Variants in RBMS3 observed in about 807,000 individuals in gnomAD.
RBMS3 encodes RNA-binding motif, single-stranded-interacting protein 3.
Under a neutral mutation model 66.8 loss-of-function variants are expected in RBMS3, and 27 were observed. The observed-to-expected ratio is 0.40, with a 90% CI of 0.30 to 0.56. RBMS3 has a LOEUF of 0.56. Among genes scored for constraint, RBMS3 ranks in the 20% least tolerant of loss-of-function variants. RBMS3 has a pLI of 0.40. For synonymous variants in RBMS3, 188 were observed against 183.0 expected, an observed-to-expected ratio of 1.03 and a Z score of -0.22; for missense variants, 513 against 549.5, an observed-to-expected ratio of 0.93 and a Z score of 0.66.
intron 12 of RBMS3, among the ~76,000 whole-genome samples, chr3:29,969,186 C>A (rs918563100): frequency 6.6e-6 from 1 of 152,124 alleles, no homozygotes; most frequent in African/African-American, 2.4e-5. Context: ...AGATTAAATG[C>A]CTAATAGACA....
intron 1 of RBMS3, among the ~76,000 whole-genome samples, chr3:29,364,856 T>C (rs2125589036): frequency 6.6e-6 from 1 of 152,292 alleles, no homozygotes; most frequent in East Asian, 1.9e-4. Context: ...ATTTTTATTG[T>C]CGACCAATTG....
chr3:29,661,509 C>CAG, intron 4 of RBMS3, among the ~76,000 whole-genome samples: 1 of 152,056 alleles, frequency 6.6e-6, no homozygotes, highest in South Asian at 2.1e-4. Flanking sequence ...CTTAGGATTC[C>CAG]TGCTAGATTA....
intron 3 of RBMS3, among the ~76,000 whole-genome samples, chr3:29,509,855 A>G (rs2044329341): frequency 6.6e-6 from 1 of 152,258 alleles, no homozygotes; most frequent in Non-Finnish European, 1.5e-5. Context: ...ACTGTATCGT[A>G]TTCATTTCTT....
At chr3:29,352,900 G>A (rs1487012094) in intron 1 of RBMS3, among the ~76,000 whole-genome samples, 3 of 150,786 alleles carry the variant, frequency 2.0e-5, no homozygotes, top group Admixed American at 6.6e-5. Context: ...TTCCATCCAT[G>A]TCACTGTAAA....
In RBMS3 at chr3:29,309,584, T is replaced by C. The variant is rs927580562; in HGVS notation, c.75+27828T>C. Among the ~76,000 whole-genome samples the C allele has an allele frequency of 4.0e-5, 6 of 150,740 alleles. No homozygotes were observed. In the East Asian group the frequency reaches 5.9e-4, roughly 15 times the overall value. On this transcript the variant is annotated intron_variant, in intron 1 of 14. Coordinates refer to ENST00000383767, the MANE Select transcript of RBMS3 (RefSeq NM_001003793.3). ...TTATAGAAATAAAAGAATTGAAAGATAGAATCCTAGGGAATATGCAGTGGT... is the reference window on the plus strand; with the variant it reads ...TTATAGAAATAAAAGAATTGAAAGACAGAATCCTAGGGAATATGCAGTGGT...
chr3:29,592,794 A>G (rs528650165), intron 4 of RBMS3, among the ~76,000 whole-genome samples: 6 of 152,138 alleles, frequency 3.9e-5, no homozygotes, highest in South Asian at 2.1e-4. Context: ...TTAAGAAAAT[A>G]TGGCACATAT....
At chr3:29,505,027 T>C (rs1190448222) in intron 3 of RBMS3, among the ~76,000 whole-genome samples, 1 of 152,118 alleles carries the variant, frequency 6.6e-6, no homozygotes, top group Non-Finnish European at 1.5e-5. Context: ...CTTCACCATG[T>C]TGATTGTTTC....
chr3:29,855,804 C>T (rs953064337), intron 6 of RBMS3, among the ~76,000 whole-genome samples: 9 of 152,148 alleles, frequency 5.9e-5, no homozygotes, highest in African/African-American at 2.2e-4. Context: ...GGGTGCCTTC[C>T]ACGCTGGAAA....
chr3:29,339,725 T>A (rs1331354885), intron 1 of RBMS3, among the ~76,000 whole-genome samples: 1 of 152,142 alleles, frequency 6.6e-6, no homozygotes, highest in African/African-American at 2.4e-5. Context: ...AATAATATGT[T>A]ATTCACAAGT....
intron 6 of RBMS3, among the ~76,000 whole-genome samples, chr3:29,844,228 C>G (rs1233672007): frequency 6.6e-6 from 1 of 151,982 alleles, no homozygotes; most frequent in Non-Finnish European, 1.5e-5. Context: ...TGAGAAAGCT[C>G]TTTGTTTTTT....
At chr3:29,602,364 C>A (rs926978364) in intron 4 of RBMS3, among the ~76,000 whole-genome samples, 3 of 151,984 alleles carry the variant, frequency 2.0e-5, no homozygotes, top group Non-Finnish European at 2.9e-5. Context: ...CACAGGAAAC[C>A]AGCTAATGGC....
chr3:29,326,393 A>G (rs185942680), intron 1 of RBMS3, among the ~76,000 whole-genome samples: 13 of 152,182 alleles, frequency 8.5e-5, no homozygotes, highest in East Asian at 3.9e-4. Context: ...TCCACCTTCT[A>G]TGTCTTGCAA....
At chr3:29,412,692 C>T (rs966406692) in intron 1 of RBMS3, among the ~76,000 whole-genome samples, 4 of 152,114 alleles carry the variant, frequency 2.6e-5, no homozygotes, top group African/African-American at 7.2e-5. Flanking sequence ...TGGCTGGCTG[C>T]GTGGCCTGTC....
chr3:29,725,947 C>G (rs563873000), intron 4 of RBMS3, among the ~76,000 whole-genome samples: 1 of 152,010 alleles, frequency 6.6e-6, no homozygotes, highest in East Asian at 1.9e-4. Context: ...AACATGGATG[C>G]GAAAATCCTC....
At chr3:29,836,801 A>ATATC (rs1553682700) in intron 6 of RBMS3, among the ~76,000 whole-genome samples, 1 of 151,270 alleles carries the variant, frequency 6.6e-6, no homozygotes, top group Non-Finnish European at 1.5e-5. Context: ...ATATATATAT[A>ATATC]TCTGAAAACA....
intron 1 of RBMS3, among the ~76,000 whole-genome samples, chr3:29,386,756 C>T (rs960919208): frequency 3.9e-5 from 6 of 152,144 alleles, no homozygotes; most frequent in South Asian, 2.1e-4. Context: ...ACTCAGTAAA[C>T]GAGAAGTCTC....
chr3:29,788,984 C>G (rs1481280972), intron 6 of RBMS3, among the ~76,000 whole-genome samples: 1 of 152,096 alleles, frequency 6.6e-6, no homozygotes, highest in East Asian at 1.9e-4. Context: ...GAAATGTGAG[C>G]TAAGATTGAA....
At chr3:29,785,109 C>A (rs937321242) in intron 6 of RBMS3, among the ~76,000 whole-genome samples, 1 of 152,092 alleles carries the variant, frequency 6.6e-6, no homozygotes, top group Non-Finnish European at 1.5e-5. Context: ...GAATTGGTGC[C>A]AGTCCTATTG....
In RBMS3 at chr3:29,777,568, C is replaced by A. The variant is rs369178544; in HGVS notation, c.637+14579C>A. Among the ~76,000 whole-genome samples, 434 of 151,944 alleles carry A rather than the reference C, an allele frequency of 2.9e-3. 7 individuals are homozygous for A. The highest frequency in any genetic ancestry group is 9.6e-3 in the African/African-American group (400 of 41,530). On this transcript the variant is annotated intron_variant, in intron 6 of 14. Coordinates refer to ENST00000383767, the MANE Select transcript of RBMS3 (RefSeq NM_001003793.3). ...GGTACATTTTAAAACACTTAAACCT[C>A]AAAAACCTTCTTTCAAATGGAAGAC...
Sources: gnomAD v4.1 joint callset for allele counts (sites outside exome capture counted in the v4.1 genomes callset) on GRCh38, gnomAD v4.1.1 for gene constraint, MANE v1.5 for transcripts, NCBI Gene and HGNC (gene_info 2026-07-23, HGNC 2026-07-21) for gene names.